TKT: variants seen among roughly 807,000 people sequenced by gnomAD.
TKT encodes transketolase.
A neutral mutation model predicts 63.9 loss-of-function variants in TKT; 47 were observed. The observed-to-expected ratio is 0.74, with a 90% CI of 0.58 to 0.94. The LOEUF is 0.94. Among genes scored for constraint, TKT ranks in the 40% least tolerant of loss-of-function variants. The pLI, the probability that TKT is intolerant of heterozygous loss-of-function variation, is 0.00. For synonymous variants in TKT, 338 were observed against 334.1 expected (o/e 1.01, Z -0.13); for missense variants, 721 against 846.2 (o/e 0.85, Z 1.84).
Position 53,228,062 on chromosome 3 carries a change from TCAG to T in TKT, c.1564_1566del (p.Leu522del). 4 of 1,612,582 alleles carry T rather than the reference TCAG, an allele frequency of 2.5e-6. No individual in the cohort carries two copies. The highest frequency in any genetic ancestry group is 3.4e-6 in the Non-Finnish European group (4 of 1,179,946). ...GGAGGCCCCTTCTCCTCACCTTTCT[TCAG>T]CAGTTCGGCAGCGGCCAAGGCCTCG... is the stretch of plus-strand genomic sequence containing the variant. On this transcript the variant is annotated inframe_deletion, in exon 12 of 14. Coordinates refer to ENST00000462138, the MANE Select transcript of TKT (RefSeq NM_001064.4).
chr3:53,255,538 C>T (rs1705949420), intron 1 of TKT, among the ~76,000 whole-genome samples: 1 of 152,206 alleles, frequency 6.6e-6, no homozygotes, highest in Non-Finnish European at 1.5e-5. Flanking sequence ...GCCCATCCCC[C>T]GCGCCACCAT....
At chr3:53,226,703 T>C (rs1046007231) in intron 13 of TKT, 53 bp downstream of exon 13, 3 of 1,612,676 alleles carry the variant, frequency 1.9e-6, no homozygotes, top group Non-Finnish European at 2.5e-6. Context: ...CGTCCAACGC[T>C]CGGCTCTCTG....
At position 53,225,642 on chromosome 3, in the gene TKT, G is replaced by T; in HGVS notation, c.*114C>A. ...CACATCAAAAAAGAAAACATTTCAG[G>T]GCCAATTCATTTTTCTCAAAACATA... On this transcript the variant is annotated 3_prime_UTR_variant, in exon 14 of 14. Coordinates refer to ENST00000462138, the MANE Select transcript of TKT (RefSeq NM_001064.4). The T allele has an allele frequency of 8.1e-7, 1 of 1,241,332 alleles. No individual in the cohort carries two copies. The highest frequency in any genetic ancestry group is 1.1e-6 in the Non-Finnish European group (1 of 912,106). The allele number at this position is 1,241,332 out of a possible 1,614,324, so 76.9% of individuals were successfully genotyped here.
intron 1 of TKT, chr3:53,243,472 G>GT: frequency 2.4e-6 from 1 of 419,814 alleles, no homozygotes; most frequent in Non-Finnish European, 4.8e-6. Flanking sequence ...CTCCCACCAG[G>GT]TTAGGGGTGA....
chr3:53,233,247 G>A lies in TKT; in HGVS notation c.657C>T (p.His219=). 2 of 1,612,928 alleles carry A rather than the reference G, an allele frequency of 1.2e-6. No individual in the cohort carries two copies. Among genetic ancestry groups the A allele is most frequent in the African/African-American group, 1.3e-5 (1 of 75,032 alleles). The change falls in exon 6 of 14, where the codon CAC becomes CAT. Residue 219 remains histidine, a synonymous_variant. Coordinates refer to ENST00000462138, the MANE Select transcript of TKT (RefSeq NM_001064.4). ...FGWHAIIVDG[H]SVEELCKAFG... is the part of the protein sequence containing the mutation. ...AGGCCTTGCACAGCTCCTCCACGCT[G>A]TGTCCATCCACGATGATGGCATGCC...
At chr3:53,249,620 G>A (rs1028457993) in intron 1 of TKT, among the ~76,000 whole-genome samples, 20 of 152,118 alleles carry the variant, frequency 1.3e-4, no homozygotes, top group African/African-American at 4.6e-4. Flanking sequence ...TGCTAGGAGA[G>A]CTCAGTAGAG....
chr3:53,230,812 G>A, intron 7 of TKT, among the ~76,000 whole-genome samples, 191 bp from the exon 8 acceptor site: 1 of 12,346 alleles, frequency 8.1e-5, no homozygotes, highest in Non-Finnish European at 6.7e-4. Flanking sequence ...GGAGCCCCTG[G>A]AGCCCCGGCC....
rs1704952662 is a variant in TKT at position 53,235,060 on chromosome 3, G to T, written c.552C>A (p.Ile184=). The change falls in exon 5 of 14, where the codon ATC becomes ATA. Residue 184 remains isoleucine (I), a synonymous_variant. Coordinates refer to ENST00000462138, the MANE Select transcript of TKT (RefSeq NM_001064.4). ...CCGGGTCACTCTGGCCCAGGCGATT[G>T]ATGTCTAGAATGGCCACAAGGTTGT... ...KLDNLVAILD[I]NRLGQSDPAP... 3 of 1,613,916 alleles carry T rather than the reference G, an allele frequency of 1.9e-6. No homozygotes were observed. The highest frequency in any genetic ancestry group is 1.3e-5 in the African/African-American group (1 of 74,948).
chr3:53,242,599 C>A (rs868959149), intron 1 of TKT, among the ~76,000 whole-genome samples: 1 of 152,176 alleles, frequency 6.6e-6, no homozygotes, highest in Non-Finnish European at 1.5e-5. Context: ...GCTAGCACTG[C>A]GGCTGGGGGC....
chr3:53,247,884 C>T (rs983389249), intron 1 of TKT, among the ~76,000 whole-genome samples: 7 of 152,136 alleles, frequency 4.6e-5, no homozygotes, highest in African/African-American at 1.7e-4. Flanking sequence ...ATGCTTGCCA[C>T]CTGACATTAG....
chr3:53,246,223 G>A (rs1482906812), intron 1 of TKT, among the ~76,000 whole-genome samples: 5 of 152,020 alleles, frequency 3.3e-5, no homozygotes, highest in South Asian at 2.1e-4. Context: ...AATCAAGATC[G>A]TGCCATTGTA....
In TKT at chr3:53,228,258, G is replaced by A; in HGVS notation, c.1479+18C>T. 6.2e-7 allele frequency: 1 copy of A among 1,614,134 alleles called. No individual in the cohort carries two copies. The highest frequency in any genetic ancestry group is 1.7e-5 in the Admixed American group (1 of 60,030). The stretch of plus-strand genomic sequence containing the variant: ...TCCAGGCAGCTCTGTGGGCTCCTGG[G>A]GCATGCGAGGCACTGACCTTGGCTT... On this transcript the variant is annotated intron_variant, in intron 11 of 13. Transcript: ENST00000462138.
rs782311611 is a variant in TKT at position 53,230,605 on chromosome 3, G to A, written c.959C>T (p.Ala320Val). The A allele has an allele frequency of 5.6e-6, 9 of 1,614,226 alleles. No individual in the cohort carries two copies. The East Asian group carries it at 1.8e-4, about 32-fold the overall frequency. ...CAGCTTGGCCAGTGCCTGCCCGTAG[G>A]CCTTGCGGGTGGCTATCTGTGAGGA... is the stretch of plus-strand genomic sequence containing the variant. Reference protein sequence around the residue: ...KVGDKIATRKAYGQALAKLGH... With the variant: ...KVGDKIATRKVYGQALAKLGH... Residue 320 changes from alanine to valine, a missense_variant, in exon 8 of 14, where the codon GCC becomes GTC. Physicochemically the swap from Ala to Val is moderately conservative, Grantham distance 64 (BLOSUM62 0). Transcript: ENST00000462138.
chr3:53,235,234 C>G, intron 4 of TKT, 60 bp from the exon 5 acceptor site: 2 of 1,356,876 alleles, frequency 1.5e-6, no homozygotes, highest in African/African-American at 1.5e-5. Context: ...GGCTCCCACC[C>G]CCCCACCCAT....
rs1341861789 is a variant in TKT, at chr3:53,232,318, C to T, written c.749-768G>A. The T allele has an allele frequency of 2.0e-5, 8 of 399,184 alleles. No individual in the cohort carries two copies. The South Asian group carries it at 5.1e-4, about 26-fold the overall frequency. The allele number at this position is 399,184 out of a possible 1,614,324, so 24.7% of individuals were successfully genotyped here. A position where few individuals can be genotyped will look rare whatever the true frequency, so the allele number is the denominator to read the frequency against. Reference sequence around the variant, plus strand: ...TGACAATATCCCAGAGCCCTTTCCTCGACATCCACCCCCTCCCAGACACCT... The same window carrying T: ...TGACAATATCCCAGAGCCCTTTCCTTGACATCCACCCCCTCCCAGACACCT... On this transcript the variant is annotated intron_variant, in intron 6 of 13. Transcript: ENST00000462138.
At chr3:53,241,473 C>T (rs1553679856) in intron 2 of TKT, among the ~76,000 whole-genome samples, 2 of 152,244 alleles carry the variant, frequency 1.3e-5, no homozygotes, top group African/African-American at 4.8e-5. Flanking sequence ...AAGACAGGTG[C>T]AGGGGGCACA....
chr3:53,228,869 T>C (rs1553676205), intron 10 of TKT, 138 bp downstream of exon 10: 1 of 1,282,516 alleles, frequency 7.8e-7, no homozygotes, highest in Non-Finnish European at 1.1e-6. Flanking sequence ...TTGTCTAACT[T>C]CCACAAGCTA....
At chr3:53,250,448 T>C (rs782674571) in intron 1 of TKT, among the ~76,000 whole-genome samples, 2 of 152,176 alleles carry the variant, frequency 1.3e-5, no homozygotes, top group East Asian at 3.9e-4. Context: ...GCCCTACTCC[T>C]GAGGCACCCA....
intron 1 of TKT, among the ~76,000 whole-genome samples, chr3:53,244,688 A>G (rs1280538221): frequency 6.6e-6 from 1 of 152,104 alleles, no homozygotes; most frequent in Admixed American, 6.5e-5. Flanking sequence ...TGGCCTCCTC[A>G]GGGCCAGAGT....
Sources: gnomAD v4.1 joint callset for allele counts (sites outside exome capture counted in the v4.1 genomes callset) on GRCh38, gnomAD v4.1.1 for gene constraint, MANE v1.5 for transcripts, NCBI Gene and HGNC (gene_info 2026-07-23, HGNC 2026-07-21) for gene names.